Variants in KAZN observed in about 807,000 individuals in gnomAD.
KAZN encodes the protein kazrin.
In KAZN, 40 loss-of-function variants were observed where a neutral mutation model predicts 87.4. That is an observed-to-expected ratio of 0.46 (90% CI 0.36 to 0.60). The LOEUF (loss-of-function observed/expected upper bound fraction) is 0.60, where lower values mean the gene tolerates loss of function less well. Among genes scored for constraint, KAZN ranks in the 20% least tolerant of loss-of-function variants. The pLI is 0.00. For missense variants in KAZN, 898 were observed against 1,073.9 expected, an observed-to-expected ratio of 0.84 and a Z score of 2.29; for synonymous variants, 466 against 458.3, an observed-to-expected ratio of 1.02 and a Z score of -0.22.
intron 1 of KAZN, among the ~76,000 whole-genome samples, chr1:14,165,346 G>C (rs771095186): frequency 2.0e-5 from 3 of 151,896 alleles, no homozygotes; most frequent in Non-Finnish European, 4.4e-5. Context: ...CCCTGCCTTA[G>C]CCCCGTGTCT....
At chr1:14,224,393 A>G (rs573003859) in intron 2 of KAZN, among the ~76,000 whole-genome samples, 3 of 152,330 alleles carry the variant, frequency 2.0e-5, no homozygotes, top group African/African-American at 7.2e-5. Flanking sequence ...AGTAGAACAT[A>G]CTAAGATAAA....
intron 2 of KAZN, among the ~76,000 whole-genome samples, chr1:14,397,283 T>TC (rs1186146917): frequency 1.3e-5 from 2 of 152,134 alleles, no homozygotes; most frequent in Non-Finnish European, 2.9e-5. Flanking sequence ...AGACTGGAAG[T>TC]CCAAGATCAG....
At chr1:14,682,303 TTTA>T (rs1406106232) in intron 1 of KAZN, among the ~76,000 whole-genome samples, 1 of 151,796 alleles carries the variant, frequency 6.6e-6, no homozygotes, top group Non-Finnish European at 1.5e-5. Flanking sequence ...TTTTTTTTTT[TTTA>T]AGACAGGGTC....
chr1:14,291,310 T>C (rs1403032555), intron 2 of KAZN, among the ~76,000 whole-genome samples: 1 of 152,182 alleles, frequency 6.6e-6, no homozygotes, highest in South Asian at 2.1e-4. Context: ...ACAGGAGCAA[T>C]AGGCCTTGCT....
intron 1 of KAZN, among the ~76,000 whole-genome samples, chr1:14,813,795 T>C (rs942517122): frequency 6.6e-6 from 1 of 152,190 alleles, no homozygotes; most frequent in African/African-American, 2.4e-5. Context: ...CATGGATACA[T>C]GGAATGCTGG....
intron 8 of KAZN, among the ~76,000 whole-genome samples, chr1:15,092,228 C>T (rs996686432): frequency 2.0e-5 from 3 of 151,646 alleles, no homozygotes; most frequent in Admixed American, 2.0e-4. Flanking sequence ...AGGCATATGC[C>T]ACCACCCAGG....
chr1:14,296,200 C>A (rs1654101309), intron 2 of KAZN, among the ~76,000 whole-genome samples: 1 of 152,206 alleles, frequency 6.6e-6, no homozygotes, highest in South Asian at 2.1e-4. Flanking sequence ...GTAGCTGCTA[C>A]TACTGTTATT....
intron 1 of KAZN, among the ~76,000 whole-genome samples, chr1:14,044,424 A>G (rs1641972214): frequency 6.6e-6 from 1 of 152,184 alleles, no homozygotes; most frequent in Admixed American, 6.5e-5. Context: ...TGAACAAGTT[A>G]TTTAACCTTG....
At chr1:14,279,334 A>G (rs945896210) in intron 2 of KAZN, among the ~76,000 whole-genome samples, 1 of 152,212 alleles carries the variant, frequency 6.6e-6, no homozygotes, top group African/African-American at 2.4e-5. Flanking sequence ...ACAGGAAAAT[A>G]TGAAATCACA....
intron 1 of KAZN, among the ~76,000 whole-genome samples, chr1:13,945,677 G>GC (rs1439427061): frequency 5.2e-5 from 5 of 96,318 alleles, no homozygotes; most frequent in Admixed American, 4.5e-4. Flanking sequence ...TTTGCTCTCA[G>GC]TTTGTGTGTG....
At chr1:14,005,211 C>T (rs1398867752) in intron 1 of KAZN, among the ~76,000 whole-genome samples, 1 of 152,046 alleles carries the variant, frequency 6.6e-6, no homozygotes, top group East Asian at 1.9e-4. Context: ...GTGGAGTGAG[C>T]ATTCTGGATG....
rs187329562 is a variant in KAZN at position 14,635,150 on chromosome 1, C to T, written c.226+35927C>T. 1.8e-4 allele frequency among the ~76,000 whole-genome samples: 27 copies of T among 152,282 alleles called. No individual in the cohort carries two copies. The East Asian group carries it at 4.6e-3, about 26-fold the overall frequency. On this transcript the variant is annotated intron_variant, in intron 1 of 14. Coordinates refer to ENST00000376030, the MANE Select transcript of KAZN (RefSeq NM_201628.3). ...AAGTATTCAGTGAACGTGAGCTTTGCGTTGCTGTTAATTCAATGAGGTGGT... is the reference window on the plus strand; with the variant it reads ...AAGTATTCAGTGAACGTGAGCTTTGTGTTGCTGTTAATTCAATGAGGTGGT...
intron 2 of KAZN, among the ~76,000 whole-genome samples, chr1:14,441,704 A>G (rs1398665767): frequency 1.3e-5 from 2 of 152,238 alleles, no homozygotes; most frequent in African/African-American, 4.8e-5. Context: ...AAGCTGGCTC[A>G]TGATGGGGGC....
rs1267203869 is a variant in KAZN at position 14,773,954 on chromosome 1, C to T, written c.226+174731C>T. ...AAAAAGTGGTTCTCACCGCCAAAGC[C>T]CTCCAGCCCATGGCTGCTGCCAACC... On this transcript the variant is annotated intron_variant, in intron 1 of 14. Transcript: ENST00000376030. This position sits in a 1 kb window ranked among gnomAD's most constrained non-coding sequence, Gnocchi z 5.9. Among the ~76,000 whole-genome samples, 1 of 152,240 alleles carries T rather than the reference C, an allele frequency of 6.6e-6. No homozygotes were observed. Among genetic ancestry groups the T allele is most frequent in the Non-Finnish European group, 1.5e-5 (1 of 68,050 alleles).
intron 2 of KAZN, among the ~76,000 whole-genome samples, chr1:14,409,384 T>C (rs929683120): frequency 6.6e-6 from 1 of 152,108 alleles, no homozygotes; most frequent in Non-Finnish European, 1.5e-5. Context: ...CCATGAAAGG[T>C]AGATGGAGGA....
chr1:14,199,883 G>A (rs1646603807), intron 2 of KAZN, among the ~76,000 whole-genome samples: 1 of 152,040 alleles, frequency 6.6e-6, no homozygotes, highest in South Asian at 2.1e-4. Context: ...TGATAGGACA[G>A]ATTATAAATT....
chr1:14,619,438 C>G (rs1280287751), intron 1 of KAZN, among the ~76,000 whole-genome samples: 1 of 152,132 alleles, frequency 6.6e-6, no homozygotes, highest in Non-Finnish European at 1.5e-5. Flanking sequence ...TGGCCTCAAG[C>G]AATCCTCCCA....
intron 13 of KAZN, among the ~76,000 whole-genome samples, chr1:15,111,635 G>A (rs982034850): frequency 1.3e-5 from 2 of 152,144 alleles, no homozygotes; most frequent in Admixed American, 6.5e-5. Context: ...GCTCCAGGCC[G>A]GGCCTCTTGC....
chr1:14,719,571 G>A (rs1394310768), intron 1 of KAZN, among the ~76,000 whole-genome samples: 1 of 152,236 alleles, frequency 6.6e-6, no homozygotes, highest in African/African-American at 2.4e-5. Flanking sequence ...AGGCGTGGTG[G>A]CTCACACTTG....
Sources: allele counts gnomAD v4.1 joint callset (sites outside exome capture counted in the v4.1 genomes callset), GRCh38; gene constraint gnomAD v4.1.1; non-coding constraint Gnocchi (gnomAD v3.1); transcripts MANE v1.5; gene names NCBI Gene and HGNC (gene_info 2026-07-23, HGNC 2026-07-21).